Variants in ZMIZ1 observed in about 807,000 individuals in gnomAD.
ZMIZ1 encodes zinc finger MIZ domain-containing protein 1.
Under a neutral mutation model 113.9 loss-of-function variants are expected in ZMIZ1, and 17 were observed. The observed-to-expected ratio is 0.15, with a 90% CI of 0.10 to 0.22. The LOEUF (loss-of-function observed/expected upper bound fraction) is 0.22, where lower values mean the gene tolerates loss of function less well. Among genes scored for constraint, ZMIZ1 ranks in the 10% least tolerant of loss-of-function variants. The pLI, the probability that ZMIZ1 is intolerant of heterozygous loss-of-function variation, is 1.00. For synonymous variants in ZMIZ1, 607 were observed against 603.1 expected (o/e 1.01, Z -0.09); for missense variants, 1,059 against 1,477.8 (o/e 0.72, Z 4.65).
intron 24 of ZMIZ1, among the ~76,000 whole-genome samples, chr10:79,311,573 C>A (rs1855169237): frequency 6.6e-6 from 1 of 152,120 alleles, no homozygotes; most frequent in South Asian, 2.1e-4. Flanking sequence ...GGCCGTCTGT[C>A]TGCCTCGCTG....
chr10:79,214,961 C>T (rs1378037245), intron 6 of ZMIZ1, among the ~76,000 whole-genome samples: 1 of 152,284 alleles, frequency 6.6e-6, no homozygotes, highest in Non-Finnish European at 1.5e-5. Flanking sequence ...TCCCCTGGAG[C>T]GCCCCGTCCC....
chr10:79,140,425 A>G (rs530243612), intron 3 of ZMIZ1, among the ~76,000 whole-genome samples: 5 of 152,236 alleles, frequency 3.3e-5, no homozygotes, highest in South Asian at 2.1e-4. Flanking sequence ...GCTTCATCCT[A>G]TTTGCCATAC....
Position 79,095,543 on chromosome 10 carries a change from T to TA in ZMIZ1, c.-336-23371dup, listed in dbSNP as rs548540374. 1.8e-4 allele frequency among the ~76,000 whole-genome samples: 27 copies of TA among 152,344 alleles called. No individual in the cohort carries two copies. The South Asian group carries it at 5.6e-3, about 32-fold the overall frequency. ...CGGGTGTCAGGCAGGTCTCTCCGGT[T>TA]AGGTAAGGGAGGCCTCATCCTTCTT... is the stretch of plus-strand genomic sequence containing the variant. On this transcript the variant is annotated intron_variant, in intron 1 of 24. Coordinates refer to ENST00000334512, the MANE Select transcript of ZMIZ1 (RefSeq NM_020338.4).
intron 1 of ZMIZ1, among the ~76,000 whole-genome samples, chr10:79,081,453 C>T (rs1842655341): frequency 6.6e-6 from 1 of 152,170 alleles, no homozygotes; most frequent in African/African-American, 2.4e-5. Flanking sequence ...TCACTGGGGC[C>T]CTAGGGGAAG....
chr10:79,191,203 C>T (rs1472356727), intron 4 of ZMIZ1, among the ~76,000 whole-genome samples: 2 of 152,096 alleles, frequency 1.3e-5, no homozygotes, highest in Non-Finnish European at 2.9e-5. Flanking sequence ...CTGGGGGATG[C>T]CATTAATCCT....
chr10:79,236,946 G>A (rs1849614509), intron 7 of ZMIZ1, among the ~76,000 whole-genome samples: 1 of 152,226 alleles, frequency 6.6e-6, no homozygotes, highest in South Asian at 2.1e-4. Flanking sequence ...GTAAATAATT[G>A]AAATACACCA....
chr10:79,240,638 CTTTTTTTTTT>C (rs56903717), intron 7 of ZMIZ1, among the ~76,000 whole-genome samples: 23 of 55,324 alleles, frequency 4.2e-4, no homozygotes, highest in African/African-American at 1.8e-3. Flanking sequence ...GAGTATTTAT[CTTTTTTTTTT>C]TTTTTTTTTT....
At chr10:79,095,494 T>A (rs1415260820) in intron 1 of ZMIZ1, among the ~76,000 whole-genome samples, 1 of 152,210 alleles carries the variant, frequency 6.6e-6, no homozygotes, top group Non-Finnish European at 1.5e-5. Flanking sequence ...CCTAACCAGT[T>A]CTCACCTGGC....
chr10:79,147,075 G>A (rs767639652), intron 3 of ZMIZ1, among the ~76,000 whole-genome samples: 7 of 152,174 alleles, frequency 4.6e-5, no homozygotes, highest in Admixed American at 2.0e-4. Context: ...CCAGGAGGCC[G>A]TGACACAGAG....
At chr10:79,131,106 T>C (rs1470637609) in intron 2 of ZMIZ1, among the ~76,000 whole-genome samples, 1 of 152,214 alleles carries the variant, frequency 6.6e-6, no homozygotes, top group Non-Finnish European at 1.5e-5. Context: ...GTTCTTCCCA[T>C]GTCCCCCACA....
chr10:79,076,753 C>T (rs1328126038), intron 1 of ZMIZ1, among the ~76,000 whole-genome samples: 1 of 152,174 alleles, frequency 6.6e-6, no homozygotes, highest in Admixed American at 6.5e-5. Flanking sequence ...ATGAGAAACA[C>T]TTGAACCCAT....
At chr10:79,238,592 C>T (rs1224617212) in intron 7 of ZMIZ1, among the ~76,000 whole-genome samples, 3 of 152,176 alleles carry the variant, frequency 2.0e-5, no homozygotes, top group Non-Finnish European at 2.9e-5. Flanking sequence ...GAATATAAAA[C>T]GGAGTTGGGG....
At chr10:79,274,072 T>C (rs1403428053) in intron 7 of ZMIZ1, among the ~76,000 whole-genome samples, 2 of 151,696 alleles carry the variant, frequency 1.3e-5, no homozygotes. Flanking sequence ...GGGCCAGCTC[T>C]CTTAACCACT....
At chr10:79,205,209 T>G (rs1848265706) in intron 5 of ZMIZ1, among the ~76,000 whole-genome samples, 1 of 152,218 alleles carries the variant, frequency 6.6e-6, no homozygotes, top group African/African-American at 2.4e-5. Flanking sequence ...TAGTGTCCAG[T>G]AACAGCCATA....
intron 8 of ZMIZ1, among the ~76,000 whole-genome samples, chr10:79,282,665 G>C (rs1320818210): frequency 6.6e-6 from 1 of 152,246 alleles, no homozygotes; most frequent in Non-Finnish European, 1.5e-5. Flanking sequence ...GTGGTTCCCT[G>C]CTGATGGGGG....
At chr10:79,240,724 C>A (rs1449750278) in intron 7 of ZMIZ1, among the ~76,000 whole-genome samples, 1 of 114,836 alleles carries the variant, frequency 8.7e-6, no homozygotes, top group Admixed American at 1.3e-4. Context: ...TATATTAATT[C>A]TCTTCTCCAG....
At chr10:79,071,559 T>C (rs1041542392) in intron 1 of ZMIZ1, among the ~76,000 whole-genome samples, 2 of 152,138 alleles carry the variant, frequency 1.3e-5, no homozygotes, top group African/African-American at 4.8e-5. Context: ...AGCTCTTTCT[T>C]AGCCTTCTCA....
chr10:79,279,710 C>A (rs963627871), intron 8 of ZMIZ1, among the ~76,000 whole-genome samples: 1 of 152,206 alleles, frequency 6.6e-6, no homozygotes, highest in Non-Finnish European at 1.5e-5. Context: ...GTCTGCAATC[C>A]GGCACCTTGG....
intron 7 of ZMIZ1, among the ~76,000 whole-genome samples, chr10:79,218,719 G>A (rs149779015): frequency 0.014 from 2,118 of 152,166 alleles, 23 homozygotes; most frequent in Middle Eastern, 0.037. Context: ...GGTTGCAGCA[G>A]TCTCCCCTGA....
Sources: allele counts gnomAD v4.1 joint callset (sites outside exome capture counted in the v4.1 genomes callset), GRCh38; gene constraint gnomAD v4.1.1; transcripts MANE v1.5; gene names NCBI Gene and HGNC (gene_info 2026-07-23, HGNC 2026-07-21).